HTT-AS: variants seen among roughly 807,000 people sequenced by gnomAD.
HTT-AS encodes HTT antisense RNA.
At chr4:3,050,874 AC>A (rs1431360949) in intron 2 of HTT-AS, among the ~76,000 whole-genome samples, 1 of 152,154 alleles carries the variant, frequency 6.6e-6, no homozygotes, top group African/African-American at 2.4e-5. Context: ...TCTCTGTAAC[AC>A]CCCAAAGTTA....
chr4:3,054,464 G>A (rs778337400), intron 2 of HTT-AS, among the ~76,000 whole-genome samples: 2 of 152,152 alleles, frequency 1.3e-5, no homozygotes, highest in Non-Finnish European at 2.9e-5. Context: ...TGTGTGAGGA[G>A]AGTGAAATGT....
intron 1 of HTT-AS, among the ~76,000 whole-genome samples, chr4:3,073,770 C>G (rs1380081950): frequency 2.0e-5 from 3 of 152,182 alleles, no homozygotes; most frequent in Admixed American, 6.5e-5. Flanking sequence ...GCCGACCACG[C>G]GCATTCTCTG....
chr4:3,074,497 G>A (rs1411376730), exon 1 of HTT-AS: 4 of 253,120 alleles, frequency 1.6e-5, no homozygotes, highest in Non-Finnish European at 2.9e-5. Context: ...GGGGCGCTGC[G>A]CTGTCAGCGG....
chr4:3,053,401 C>T (rs2488811), intron 2 of HTT-AS, among the ~76,000 whole-genome samples: 8,524 of 152,188 alleles, frequency 0.056, 360 homozygotes, highest in African/African-American at 0.12. Flanking sequence ...GGTGTGGTGG[C>T]GCATGCTGGT....
chr4:3,052,028 T>C (rs1490238595), intron 2 of HTT-AS, among the ~76,000 whole-genome samples: 1 of 152,186 alleles, frequency 6.6e-6, no homozygotes, highest in East Asian at 1.9e-4. Flanking sequence ...AGCTCTACAA[T>C]CTATCTTGAG....
chr4:3,048,551 C>A (rs772756648), downstream of HTT-AS, among the ~76,000 whole-genome samples: 2 of 152,144 alleles, frequency 1.3e-5, no homozygotes, highest in Non-Finnish European at 2.9e-5. Context: ...AGACAATGAG[C>A]TAGATAAGAG....
At chr4:3,059,555 C>T (rs13141939) in intron 2 of HTT-AS, among the ~76,000 whole-genome samples, 14,992 of 152,060 alleles carry the variant, frequency 0.099, 859 homozygotes, top group African/African-American at 0.15. Context: ...AATGTTTCTA[C>T]CAATTTTCTA....
In HTT-AS at chr4:3,049,431, GA is replaced by G. The variant is rs575065270; in HGVS notation, n.1647del. ...AGAGCAAGACTCCATCTCCAAAAAA[GA>G]AAAAAAAAAGAGAGTCTCATGACAG... On this transcript the variant is annotated non_coding_transcript_exon_variant, in exon 3 of 3. Transcript: ENST00000664062. Among the ~76,000 whole-genome samples, 27 of 146,326 alleles carry G rather than the reference GA, an allele frequency of 1.8e-4. 1 individual carries two copies. The highest frequency in any genetic ancestry group is 1.1e-3 in the South Asian group (5 of 4,614).
At chr4:3,052,372 T>A (rs1251924045) in intron 2 of HTT-AS, among the ~76,000 whole-genome samples, 33 of 152,140 alleles carry the variant, frequency 2.2e-4, no homozygotes. Context: ...AAAGTCAGCT[T>A]AATTAAAAGT....
At chr4:3,049,161 T>C (rs1296305312) in exon 3 of HTT-AS, among the ~76,000 whole-genome samples, 4 of 152,094 alleles carry the variant, frequency 2.6e-5, no homozygotes, top group Admixed American at 6.6e-5. Flanking sequence ...TGGTGGTGCA[T>C]GCCTGTAATC....
chr4:3,062,645 T>G (rs769181336), exon 2 of HTT-AS, among the ~76,000 whole-genome samples: 5 of 151,884 alleles, frequency 3.3e-5, no homozygotes, highest in Admixed American at 6.6e-5. Context: ...CCTGGCCCCT[T>G]TCTCTTCTGC....
At chr4:3,065,268 C>A (rs1712021295) in intron 1 of HTT-AS, among the ~76,000 whole-genome samples, 1 of 151,070 alleles carries the variant, frequency 6.6e-6, no homozygotes, top group South Asian at 2.1e-4. Flanking sequence ...GAGACGGAGT[C>A]TTGCTCTGTT....
chr4:3,065,988 G>A (rs1470970139), intron 1 of HTT-AS, among the ~76,000 whole-genome samples: 1 of 152,196 alleles, frequency 6.6e-6, no homozygotes, highest in African/African-American at 2.4e-5. Context: ...GATAGAATCC[G>A]TTTCTATCAT....
At chr4:3,056,025 C>A (rs1711797716) in intron 2 of HTT-AS, among the ~76,000 whole-genome samples, 1 of 152,184 alleles carries the variant, frequency 6.6e-6, no homozygotes, top group Non-Finnish European at 1.5e-5. Context: ...GAAACACAAA[C>A]TGTGGATCTC....
At chr4:3,057,676 C>A (rs773625548) in intron 2 of HTT-AS, among the ~76,000 whole-genome samples, 1 of 152,076 alleles carries the variant, frequency 6.6e-6, no homozygotes, top group Non-Finnish European at 1.5e-5. Context: ...CCCTTTGTTG[C>A]CCAGGCTGGA....
At chr4:3,058,840 C>G (rs1051459184) in intron 2 of HTT-AS, among the ~76,000 whole-genome samples, 3 of 152,098 alleles carry the variant, frequency 2.0e-5, no homozygotes, top group Admixed American at 6.6e-5. Context: ...TTGCCTCAGC[C>G]TCCCGAGTAG....
chr4:3,049,928 AC>A (rs1441019482), intron 2 of HTT-AS, among the ~76,000 whole-genome samples: 19 of 144,408 alleles, frequency 1.3e-4, no homozygotes, highest in African/African-American at 5.3e-4. Flanking sequence ...ACACACACAC[AC>A]ACACACACAC....
chr4:3,069,312 ATT>A (rs566283289), intron 1 of HTT-AS, among the ~76,000 whole-genome samples: 18 of 143,800 alleles, frequency 1.3e-4, no homozygotes, highest in South Asian at 2.3e-4. Context: ...CACCTGGCTA[ATT>A]TTTTTTTTTT....
chr4:3,072,147 G>T (rs1411894723), intron 1 of HTT-AS, among the ~76,000 whole-genome samples: 1 of 152,224 alleles, frequency 6.6e-6, no homozygotes, highest in Non-Finnish European at 1.5e-5. Context: ...TCTCGCCAGG[G>T]TTCAGTCAAA....
Sources: allele counts gnomAD v4.1 joint callset (sites outside exome capture counted in the v4.1 genomes callset), GRCh38; gene constraint gnomAD v4.1.1; transcripts MANE v1.5; gene names NCBI Gene and HGNC (gene_info 2026-07-23, HGNC 2026-07-21).